The following AK5 variants were observed in gnomAD, a reference collection of about 807,000 sequenced individuals.
AK5 encodes the protein adenylate kinase isoenzyme 5.
In AK5, 27 loss-of-function variants were observed where a neutral mutation model predicts 69.5. The ratio of observed to expected loss-of-function variants is 0.39; its 90% CI spans 0.29 to 0.54. AK5 has a LOEUF of 0.54. AK5 is among the 20% of genes least tolerant of loss of function. The probability of loss-of-function intolerance (pLI) is 0.71; values close to 1 mark genes in which losing one functional copy is unlikely to be tolerated. For missense variants in AK5, 531 were observed against 700.4 expected (o/e 0.76, Z 2.73); for synonymous variants, 260 against 244.4 (o/e 1.06, Z -0.60).
chr1:77,373,753 A>G (rs115477914), intron 6 of AK5, among the ~76,000 whole-genome samples: 1 of 151,894 alleles, frequency 6.6e-6, no homozygotes, highest in South Asian at 2.1e-4. Context: ...AACAAAAAAC[A>G]TATGATTGAA....
At chr1:77,423,226 AAAAAT>A (rs1044671399) in intron 8 of AK5, among the ~76,000 whole-genome samples, 1 of 132,152 alleles carries the variant, frequency 7.6e-6, no homozygotes, top group East Asian at 2.7e-4. Flanking sequence ...GTCTAAAAAA[AAAAAT>A]AAAAAAAAAA....
chr1:77,388,169 T>G (rs1034640507), intron 6 of AK5, among the ~76,000 whole-genome samples: 1 of 152,230 alleles, frequency 6.6e-6, no homozygotes, highest in Admixed American at 6.5e-5. Context: ...TGAATTCCTC[T>G]TATTCTACTC....
intron 13 of AK5, among the ~76,000 whole-genome samples, chr1:77,544,058 G>A (rs1282293742): frequency 6.6e-6 from 1 of 152,172 alleles, no homozygotes; most frequent in African/African-American, 2.4e-5. Context: ...AGATGGTATA[G>A]CCTACTACAC....
intron 6 of AK5, among the ~76,000 whole-genome samples, chr1:77,365,665 A>G (rs61564607): frequency 0.3 from 45,933 of 152,052 alleles, 8,149 homozygotes; most frequent in East Asian, 0.43. Flanking sequence ...TCACGCTTCT[A>G]TGAGAATCTA....
chr1:77,429,199 C>CTAG (rs1394531102), intron 8 of AK5, among the ~76,000 whole-genome samples: 1 of 152,158 alleles, frequency 6.6e-6, no homozygotes, highest in African/African-American at 2.4e-5. Context: ...AATGGTTGAA[C>CTAG]TAGTTTACAA....
At chr1:77,302,985 C>T (rs1038785905) in intron 5 of AK5, among the ~76,000 whole-genome samples, 2 of 151,676 alleles carry the variant, frequency 1.3e-5, no homozygotes, top group African/African-American at 2.4e-5. Flanking sequence ...AAATCAATGT[C>T]GCATGTTTTA....
chr1:77,476,143 C>T (rs1285213192), intron 8 of AK5, among the ~76,000 whole-genome samples: 1 of 152,216 alleles, frequency 6.6e-6, no homozygotes, highest in Non-Finnish European at 1.5e-5. Flanking sequence ...TTTTTTTCAA[C>T]TCTGTTTACT....
At chr1:77,493,255 C>A (rs548210469) in intron 10 of AK5, among the ~76,000 whole-genome samples, 5 of 152,086 alleles carry the variant, frequency 3.3e-5, no homozygotes, top group Admixed American at 2.6e-4. Flanking sequence ...ACAAAAAGGC[C>A]GAGGAAAGAT....
intron 8 of AK5, among the ~76,000 whole-genome samples, chr1:77,426,039 G>A (rs928852981): frequency 6.6e-6 from 1 of 152,048 alleles, no homozygotes. Context: ...ACTACAAAAG[G>A]CAGAAAAAGT....
At chr1:77,516,948 G>A (rs1412085617) in intron 10 of AK5, among the ~76,000 whole-genome samples, 2 of 151,924 alleles carry the variant, frequency 1.3e-5, no homozygotes, top group African/African-American at 4.8e-5. Flanking sequence ...GTGCGCACCT[G>A]TAATCCCAGC....
At chr1:77,283,463 A>G (rs564239219) in intron 1 of AK5, 1 of 985,400 alleles carries the variant, frequency 1.0e-6, no homozygotes, top group South Asian at 4.7e-5. Context: ...TTGTTCTGTT[A>G]AAAGGAATTT....
chr1:77,359,895 C>T (rs1646833273), intron 6 of AK5, among the ~76,000 whole-genome samples: 1 of 152,148 alleles, frequency 6.6e-6, no homozygotes, highest in African/African-American at 2.4e-5. Context: ...AGTTAAACAA[C>T]TTTGTCAGAG....
At chr1:77,507,150 G>GTCCTGTATTTTATC (rs1553158761) in intron 10 of AK5, among the ~76,000 whole-genome samples, 23 of 152,376 alleles carry the variant, frequency 1.5e-4, no homozygotes, top group Non-Finnish European at 1.5e-5. Context: ...TTGACTGGGT[G>GTCCTGTATTTTATC]TCCTGTATTT....
intron 1 of AK5, 99 bp downstream of exon 1, chr1:77,282,472 G>C: frequency 6.9e-7 from 1 of 1,444,838 alleles, no homozygotes; most frequent in Non-Finnish European, 9.2e-7. Context: ...CCCCACACGG[G>C]GCATGTAATG....
intron 6 of AK5, among the ~76,000 whole-genome samples, chr1:77,390,375 T>C (rs3851266): frequency 0.071 from 10,817 of 152,302 alleles, 491 homozygotes; most frequent in East Asian, 0.2. Context: ...TATTTCACTA[T>C]GTGAAAATTA....
chr1:77,444,306 T>A (rs191136885), intron 8 of AK5, among the ~76,000 whole-genome samples: 1 of 75,548 alleles, frequency 1.3e-5, no homozygotes, highest in African/African-American at 5.9e-5. Context: ...ATATAGTATA[T>A]ATACACAATA....
intron 5 of AK5, among the ~76,000 whole-genome samples, chr1:77,327,073 A>G (rs1214325964): frequency 6.6e-6 from 1 of 152,200 alleles, no homozygotes; most frequent in Non-Finnish European, 1.5e-5. Flanking sequence ...GAAGGCAGGT[A>G]GAGAGAGCTG....
intron 10 of AK5, among the ~76,000 whole-genome samples, chr1:77,503,853 C>T (rs991998494): frequency 2.7e-5 from 4 of 150,264 alleles, no homozygotes; most frequent in East Asian, 2.0e-4. Context: ...TGCAGTGAGC[C>T]GAGATTGTGC....
At chr1:77,400,892 A>G (rs1304170387) in intron 6 of AK5, among the ~76,000 whole-genome samples, 1 of 145,020 alleles carries the variant, frequency 6.9e-6, no homozygotes, top group Non-Finnish European at 1.5e-5. Flanking sequence ...GTCTGTTTTT[A>G]GATCTGTCTT....
Sources: allele counts gnomAD v4.1 joint callset (sites outside exome capture counted in the v4.1 genomes callset), GRCh38; gene constraint gnomAD v4.1.1; transcripts MANE v1.5; gene names NCBI Gene and HGNC (gene_info 2026-07-23, HGNC 2026-07-21).